The following ACOT7 variants were observed in gnomAD, a reference collection of about 807,000 sequenced individuals.
ACOT7 encodes cytosolic acyl coenzyme A thioester hydrolase.
A neutral mutation model predicts 40.2 loss-of-function variants in ACOT7; 12 were observed. The observed-to-expected ratio is 0.30, with a 90% CI of 0.19 to 0.48. The LOEUF (loss-of-function observed/expected upper bound fraction) is 0.48, where lower values mean the gene tolerates loss of function less well. Among genes scored for constraint, ACOT7 ranks in the 20% least tolerant of loss-of-function variants. ACOT7 has a pLI of 0.99. For synonymous variants in ACOT7, 228 were observed against 219.5 expected, an observed-to-expected ratio of 1.04 and a Z score of -0.34; for missense variants, 395 against 530.8, an observed-to-expected ratio of 0.74 and a Z score of 2.51.
chr1:6,305,512 C>T (rs541142647), intron 6 of ACOT7, among the ~76,000 whole-genome samples: 7,821 of 138,916 alleles, frequency 0.056, 191 homozygotes, highest in African/African-American at 0.086. Context: ...ACTTCTCAGA[C>T]GGGGCGGTTG....
intron 1 of ACOT7, among the ~76,000 whole-genome samples, chr1:6,376,407 T>A (rs1429417946): frequency 2.0e-5 from 3 of 151,714 alleles, no homozygotes; most frequent in African/African-American, 7.2e-5. Flanking sequence ...CTTTCCAGCC[T>A]CGGTGACAGA....
chr1:6,343,581 C>T (rs951550915), intron 2 of ACOT7, among the ~76,000 whole-genome samples: 3 of 152,254 alleles, frequency 2.0e-5, no homozygotes, highest in African/African-American at 4.8e-5. Flanking sequence ...TCTCTTTCAC[C>T]CCCAAGTCAA....
At chr1:6,356,918 CAAA>C (rs139388424) in intron 1 of ACOT7, among the ~76,000 whole-genome samples, 3 of 112,642 alleles carry the variant, frequency 2.7e-5, no homozygotes, top group Non-Finnish European at 3.8e-5. Context: ...GACTGTGTCT[CAAA>C]AAAAAAAAAA....
chr1:6,281,491 C>T (rs751303623), intron 7 of ACOT7, among the ~76,000 whole-genome samples: 1 of 152,248 alleles, frequency 6.6e-6, no homozygotes, highest in Non-Finnish European at 1.5e-5. Context: ...GGTTTATCTA[C>T]GCTAAAATTC....
intron 6 of ACOT7, among the ~76,000 whole-genome samples, chr1:6,302,807 C>G (rs1217904986): frequency 6.6e-6 from 1 of 151,988 alleles, no homozygotes; most frequent in Non-Finnish European, 1.5e-5. Flanking sequence ...ATGGTCCCTG[C>G]AGAAGTGAGA....
At chr1:6,309,068 G>A (rs914204302) in intron 6 of ACOT7, among the ~76,000 whole-genome samples, 8 of 152,236 alleles carry the variant, frequency 5.3e-5, no homozygotes, top group Admixed American at 1.3e-4. Flanking sequence ...TTACTCCCTT[G>A]ACCCAGGTGT....
At chr1:6,363,776 A>C (rs1034569931) in intron 1 of ACOT7, among the ~76,000 whole-genome samples, 16 of 151,808 alleles carry the variant, frequency 1.1e-4, no homozygotes, top group Middle Eastern at 3.2e-3. Context: ...GCATTCGGGG[A>C]CACTACCGGT....
At position 6,280,187 on chromosome 1, in the gene ACOT7, G is replaced by A. The variant is rs554789990; in HGVS notation, c.1014+915C>T. Reference sequence around the variant, plus strand: ...GCACCCGCCTGCTCCCAGCTGCTCTGTTCCCGCATCCTCGCTCCCCGGAGG... The same window carrying A: ...GCACCCGCCTGCTCCCAGCTGCTCTATTCCCGCATCCTCGCTCCCCGGAGG... On this transcript the variant is annotated intron_variant, in intron 8 of 8. Transcript: ENST00000361521. 1.6e-3 allele frequency among the ~76,000 whole-genome samples: 241 copies of A among 152,348 alleles called. 4 individuals carry two copies. Among genetic ancestry groups the A allele is most frequent in the Admixed American group, 0.016 (238 of 15,312 alleles).
At chr1:6,269,436 C>T (rs1362586692) in intron 8 of ACOT7, among the ~76,000 whole-genome samples, 1 of 152,232 alleles carries the variant, frequency 6.6e-6, no homozygotes, top group African/African-American at 2.4e-5. Context: ...CATATTATCC[C>T]AAACCACTAC....
At chr1:6,333,035 A>G (rs567602330) in intron 4 of ACOT7, among the ~76,000 whole-genome samples, 2 of 152,140 alleles carry the variant, frequency 1.3e-5, no homozygotes, top group African/African-American at 2.4e-5. Context: ...CCACGGGGGA[A>G]CAGCTGGCCC....
intron 6 of ACOT7, among the ~76,000 whole-genome samples, chr1:6,318,165 C>T (rs769985090): frequency 4.6e-4 from 70 of 152,344 alleles, no homozygotes; most frequent in Non-Finnish European, 4.4e-4. Flanking sequence ...AAGCGATCCT[C>T]CCACCTCAGC....
In ACOT7 at chr1:6,264,333, G is replaced by A. The variant is rs1019934717; in HGVS notation, c.*264C>T. On this transcript the variant is annotated 3_prime_UTR_variant, in exon 9 of 9. Transcript: ENST00000361521. ...TCTTCCCATACCCTACAGCGTGCTC[G>A]GAAGCATTCCCGAGGGTTTCTGCCC... The A allele has an allele frequency of 1.5e-5, 7 of 480,930 alleles. No homozygotes were observed. Among genetic ancestry groups the A allele is most frequent in the African/African-American group, 1.0e-4 (5 of 49,902 alleles). The allele number at this position is 480,930 out of a possible 1,614,324, so 29.8% of individuals were successfully genotyped here.
At chr1:6,337,095 C>T (rs987977857) in intron 3 of ACOT7, among the ~76,000 whole-genome samples, 1 of 152,260 alleles carries the variant, frequency 6.6e-6, no homozygotes, top group Non-Finnish European at 1.5e-5. Flanking sequence ...GCGTATCCTG[C>T]CTTCTCCAAG....
chr1:6,347,675 G>C (rs1352037477), intron 2 of ACOT7, among the ~76,000 whole-genome samples: 1 of 152,006 alleles, frequency 6.6e-6, no homozygotes, highest in Admixed American at 6.5e-5. Flanking sequence ...GCTGAGGCAG[G>C]AGAATCGCTT....
At chr1:6,327,217 C>A in intron 5 of ACOT7, 82 bp downstream of exon 5, 1 of 1,372,016 alleles carries the variant, frequency 7.3e-7, no homozygotes, top group South Asian at 1.2e-5. Flanking sequence ...AAGCATGAGG[C>A]TCACGTAGGC....
intron 8 of ACOT7, among the ~76,000 whole-genome samples, chr1:6,277,838 G>C (rs1049426638): frequency 2.0e-5 from 3 of 152,166 alleles, no homozygotes; most frequent in Non-Finnish European, 4.4e-5. Context: ...CTCCCTCTGA[G>C]AGGGTGTGAG....
chr1:6,342,835 G>A (rs566646446), intron 2 of ACOT7, among the ~76,000 whole-genome samples: 1 of 152,292 alleles, frequency 6.6e-6, no homozygotes, highest in East Asian at 1.9e-4. Context: ...AGTGTTTCTC[G>A]GAACAGCAGT....
intron 2 of ACOT7, among the ~76,000 whole-genome samples, chr1:6,346,252 C>T (rs1296600008): frequency 6.6e-6 from 1 of 152,204 alleles, no homozygotes; most frequent in Non-Finnish European, 1.5e-5. Flanking sequence ...CAGGCACAGG[C>T]CACCACACCT....
rs548288329 is a variant in ACOT7, at chr1:6,299,066, G to A, written c.713-4086C>T. On this transcript the variant is annotated intron_variant, in intron 6 of 8. Coordinates refer to ENST00000361521, the MANE Select transcript of ACOT7 (RefSeq NM_007274.4). The surrounding 1 kb of genome is among the most constrained non-coding windows in gnomAD (Gnocchi z 4.1). ...CCCTCTGTCCCCGTCTAGAGTGTGA[G>A]AGTCACTGCCATAGCCTGGCTGGGA... is the stretch of plus-strand genomic sequence containing the variant. Among the ~76,000 whole-genome samples the A allele has an allele frequency of 6.6e-6, 1 of 152,222 alleles. No homozygotes were observed. The highest frequency in any genetic ancestry group is 1.5e-5 in the Non-Finnish European group (1 of 68,036).
Sources: allele counts gnomAD v4.1 joint callset (sites outside exome capture counted in the v4.1 genomes callset), GRCh38; gene constraint gnomAD v4.1.1; non-coding constraint Gnocchi (gnomAD v3.1); transcripts MANE v1.5; gene names NCBI Gene and HGNC (gene_info 2026-07-23, HGNC 2026-07-21).